The following BMF variants were observed in gnomAD, a reference collection of about 807,000 sequenced individuals.
BMF encodes the protein Bcl2 modifying factor.
Under a neutral mutation model 22.0 loss-of-function variants are expected in BMF, and 10 were observed. The observed-to-expected ratio is 0.45, with a 90% CI of 0.28 to 0.77. The LOEUF is 0.77. Among genes scored for constraint, BMF ranks in the 30% least tolerant of loss-of-function variants. The pLI is 0.13. For missense variants in BMF, 206 were observed against 226.8 expected, an observed-to-expected ratio of 0.91 and a Z score of 0.59; for synonymous variants, 87 against 88.1, an observed-to-expected ratio of 0.99 and a Z score of 0.07.
chr15:40,090,478 T>C lies in BMF; in HGVS notation c.*1309A>G, dbSNP rs1398523955. 6.5e-6 allele frequency: 1 copy of C among 152,694 alleles called. No homozygotes were observed. The highest frequency in any genetic ancestry group is 1.5e-5 in the Non-Finnish European group (1 of 68,058). 9.5% of individuals were successfully genotyped at this position (152,694 alleles called of 1,614,324 possible). A position where few individuals can be genotyped will look rare whatever the true frequency, so the allele number is the denominator to read the frequency against. On this transcript the variant is annotated 3_prime_UTR_variant, in exon 5 of 5. Coordinates refer to ENST00000354670, the MANE Select transcript of BMF (RefSeq NM_001003940.2). ...TGGTTAACAGATTCCCTGTGCCTGCTATCGGAGCTGCCACACCGGCTGCTT... is the reference window on the plus strand; with the variant it reads ...TGGTTAACAGATTCCCTGTGCCTGCCATCGGAGCTGCCACACCGGCTGCTT...
At chr15:40,102,762 G>A (rs1027616312) in intron 4 of BMF, among the ~76,000 whole-genome samples, 3 of 152,198 alleles carry the variant, frequency 2.0e-5, no homozygotes, top group African/African-American at 4.8e-5. Flanking sequence ...GTACAACCAC[G>A]GTGGAGTGAA....
Position 40,090,022 on chromosome 15 carries a change from A to T in BMF, c.*1765T>A, listed in dbSNP as rs1021576527. 1 of 152,656 alleles carries T rather than the reference A, an allele frequency of 6.6e-6. No individual in the cohort carries two copies. Among genetic ancestry groups the T allele is most frequent in the Admixed American group, 6.5e-5 (1 of 15,292 alleles). The allele number at this position is 152,656 out of a possible 1,614,324, so 9.5% of individuals were successfully genotyped here. A position where few individuals can be genotyped will look rare whatever the true frequency, so the allele number is the denominator to read the frequency against. On this transcript the variant is annotated 3_prime_UTR_variant, in exon 5 of 5. Coordinates refer to ENST00000354670, the MANE Select transcript of BMF (RefSeq NM_001003940.2). ...GAACAAAACAAAGGCTTACATGCACAGTTTGAGGCCCTTCTCCTCCAGGGT... is the reference window on the plus strand; with the variant it reads ...GAACAAAACAAAGGCTTACATGCACTGTTTGAGGCCCTTCTCCTCCAGGGT...
chr15:40,093,586 C>G (rs1046129763), intron 4 of BMF, among the ~76,000 whole-genome samples: 1 of 152,228 alleles, frequency 6.6e-6, no homozygotes, highest in Non-Finnish European at 1.5e-5. Context: ...CCTCTCCTCC[C>G]CTCCCCAGCT....
chr15:40,092,026 G>A (rs996143993), intron 4 of BMF, 138 bp from the exon 5 acceptor site: 3 of 646,642 alleles, frequency 4.6e-6, no homozygotes, highest in East Asian at 5.5e-5. Context: ...CTCACAGCGG[G>A]GAGGAGGGGG....
intron 4 of BMF, among the ~76,000 whole-genome samples, chr15:40,103,173 G>C (rs925509701): frequency 2.6e-5 from 4 of 152,232 alleles, no homozygotes; most frequent in Admixed American, 2.6e-4. Context: ...CCCAGTCATG[G>C]TCAAGCTATT....
rs559857243 is a variant in BMF at position 40,097,706 on chromosome 15, A to G, written c.454-5818T>C. ...TGGTGATTACGTAAGAAAAATATAC[A>G]TGAAGCACTGGGCCTGGGGGCTGCA... is the stretch of plus-strand genomic sequence containing the variant. On this transcript the variant is annotated intron_variant, in intron 4 of 4. Coordinates refer to ENST00000354670, the MANE Select transcript of BMF (RefSeq NM_001003940.2). Among the ~76,000 whole-genome samples, 31 of 152,352 alleles carry G rather than the reference A, an allele frequency of 2.0e-4. 1 individual carries two copies. In the South Asian group the frequency reaches 6.4e-3, roughly 32 times the overall value.
At chr15:40,102,414 G>GA (rs1189813380) in intron 4 of BMF, among the ~76,000 whole-genome samples, 4 of 57,556 alleles carry the variant, frequency 6.9e-5, no homozygotes, top group African/African-American at 2.1e-4. Flanking sequence ...GGGCGAAAGA[G>GA]CCAAAAAAAA....
intron 3 of BMF, among the ~76,000 whole-genome samples, 166 bp downstream of exon 3, chr15:40,105,629 G>T (rs548980183): frequency 6.6e-6 from 1 of 152,172 alleles, no homozygotes; most frequent in South Asian, 2.1e-4. Context: ...TGAGGCACAG[G>T]TGAGGAGCAA....
At position 40,091,898 on chromosome 15, in the gene BMF, G is replaced by T. The variant is rs768272998; in HGVS notation, c.454-10C>A. On this transcript the variant is annotated splice_polypyrimidine_tract_variant and intron_variant, in intron 4 of 4. Transcript: ENST00000354670. ...TTTGGTTCTGCTGGTGCTGAAGGGA[G>T]AAAAAAAAAAAAGACCAACATAACT... is the stretch of plus-strand genomic sequence containing the variant. 64 of 1,233,480 alleles carry T rather than the reference G, an allele frequency of 5.2e-5. No individual in the cohort carries two copies. The highest frequency in any genetic ancestry group is 4.8e-5 in the African/African-American group (3 of 62,864). 76.4% of individuals were successfully genotyped at this position (1,233,480 alleles called of 1,614,324 possible).
intron 4 of BMF, among the ~76,000 whole-genome samples, chr15:40,095,000 A>G (rs1407883770): frequency 6.6e-6 from 1 of 152,210 alleles, no homozygotes; most frequent in African/African-American, 2.4e-5. Flanking sequence ...AGCCTTTTGG[A>G]AACCACAAAG....
At chr15:40,097,826 C>T (rs113260104) in intron 4 of BMF, among the ~76,000 whole-genome samples, 10 of 152,134 alleles carry the variant, frequency 6.6e-5, no homozygotes, top group African/African-American at 1.4e-4. Flanking sequence ...GCAACAGGGC[C>T]GGCCTGGGGA....
At position 40,097,434 on chromosome 15, in the gene BMF, G is replaced by C. The variant is rs539070505; in HGVS notation, c.454-5546C>G. On this transcript the variant is annotated intron_variant, in intron 4 of 4. Transcript: ENST00000354670. ...ATGGGGAGAAGAGCAAGAGCACCTAGCTGAGTATCACATGAGGCAGAGCGG... is the reference window on the plus strand; with the variant it reads ...ATGGGGAGAAGAGCAAGAGCACCTACCTGAGTATCACATGAGGCAGAGCGG... Among the ~76,000 whole-genome samples the C allele has an allele frequency of 9.2e-5, 14 of 152,352 alleles. No individual in the cohort carries two copies. In the East Asian group the frequency reaches 2.7e-3, roughly 29 times the overall value.
intron 4 of BMF, among the ~76,000 whole-genome samples, chr15:40,094,365 G>A (rs897740336): frequency 6.6e-6 from 1 of 152,198 alleles, no homozygotes; most frequent in African/African-American, 2.4e-5. Flanking sequence ...AGGCCTAGGT[G>A]CAGGAGGCAG....
At position 40,089,951 on chromosome 15, in the gene BMF, A is replaced by C. The variant is rs1007871345; in HGVS notation, c.*1836T>G. The C allele has an allele frequency of 6.5e-6, 1 of 152,696 alleles. No homozygotes were observed. Among genetic ancestry groups the C allele is most frequent in the African/African-American group, 2.4e-5 (1 of 41,474 alleles). The allele number at this position is 152,696 out of a possible 1,614,324, so 9.5% of individuals were successfully genotyped here. ...GACAAATCATGGTACACACCCTGAGAATAGAATTCTGACCAAGAAGAGGTA... is the reference window on the plus strand; with the variant it reads ...GACAAATCATGGTACACACCCTGAGCATAGAATTCTGACCAAGAAGAGGTA... On this transcript the variant is annotated 3_prime_UTR_variant, in exon 5 of 5. Transcript: ENST00000354670.
chr15:40,093,645 C>G (rs780818727), intron 4 of BMF, among the ~76,000 whole-genome samples: 1 of 152,178 alleles, frequency 6.6e-6, no homozygotes, highest in African/African-American at 2.4e-5. Flanking sequence ...AGAGGAGAAT[C>G]CAGGAGCAGA....
In BMF at chr15:40,108,250, AC is replaced by A. The variant is rs1555428614; in HGVS notation, c.-6+8del. The A allele has an allele frequency of 2.0e-5, 3 of 151,356 alleles. No individual in the cohort carries two copies. The highest frequency in any genetic ancestry group is 2.9e-5 in the Non-Finnish European group (2 of 68,796). 9.4% of individuals were successfully genotyped at this position (151,356 alleles called of 1,614,324 possible). A position where few individuals can be genotyped will look rare whatever the true frequency, so the allele number is the denominator to read the frequency against. ...CACACACACACACACACACACACACACCCCAGACCTGGGTGACTCCAGGAGA... is the reference window on the plus strand; with the variant it reads ...CACACACACACACACACACACACACACCCAGACCTGGGTGACTCCAGGAGA... On this transcript the variant is annotated splice_region_variant and intron_variant, in intron 2 of 4. Transcript: ENST00000354670.
intron 4 of BMF, among the ~76,000 whole-genome samples, chr15:40,097,457 C>T (rs770470): frequency 0.28 from 42,366 of 152,176 alleles, 6,609 homozygotes; most frequent in Middle Eastern, 0.46. Flanking sequence ...TGAGGCAGAG[C>T]GGGTTGGGGC....
chr15:40,087,901 T>G lies in BMF; in HGVS notation c.*3886A>C, dbSNP rs1389598886. 6.6e-6 allele frequency: 1 copy of G among 152,236 alleles called. No homozygotes were observed. Among genetic ancestry groups the G allele is most frequent in the African/African-American group, 2.4e-5 (1 of 41,454 alleles). 9.4% of individuals were successfully genotyped at this position (152,236 alleles called of 1,614,324 possible). On this transcript the variant is annotated 3_prime_UTR_variant, in exon 5 of 5. Coordinates refer to ENST00000354670, the MANE Select transcript of BMF (RefSeq NM_001003940.2). ...AATAAAAGACCAGATTTGCTTTAAA[T>G]GATTTTATTAAAAATTGTACCAATT...
intron 2 of BMF, among the ~76,000 whole-genome samples, chr15:40,107,086 T>A (rs1374270731): frequency 3.9e-5 from 6 of 152,236 alleles, no homozygotes; most frequent in Admixed American, 3.9e-4. Flanking sequence ...CTCCACCTGA[T>A]GGCTCTTGAA....
Sources: gnomAD v4.1 joint callset for allele counts (sites outside exome capture counted in the v4.1 genomes callset) on GRCh38, gnomAD v4.1.1 for gene constraint, MANE v1.5 for transcripts, NCBI Gene and HGNC (gene_info 2026-07-23, HGNC 2026-07-21) for gene names.